The following CHN2 variants were observed in gnomAD, a reference collection of about 807,000 sequenced individuals.
The protein encoded by CHN2 is chimerin 2.
CHN2 carries 35 observed loss-of-function variants against 56.3 expected under a neutral mutation model. The ratio of observed to expected loss-of-function variants is 0.62; its 90% CI spans 0.47 to 0.82. The LOEUF (loss-of-function observed/expected upper bound fraction) is 0.82. Ranked by LOEUF, CHN2 falls within the 40% of genes least tolerant of loss-of-function variation. The probability of loss-of-function intolerance (pLI) is 0.00; values close to 1 mark genes in which losing one functional copy is unlikely to be tolerated. For missense variants in CHN2, 491 were observed against 580.5 expected (o/e 0.85, Z 1.58); for synonymous variants, 210 against 212.8 (o/e 0.99, Z 0.12).
intron 1 of CHN2, among the ~76,000 whole-genome samples, chr7:29,272,180 C>T (rs1346641208): frequency 6.6e-6 from 1 of 152,140 alleles, no homozygotes; most frequent in Non-Finnish European, 1.5e-5. Flanking sequence ...CCGTGACAGA[C>T]ACGGAGTCCG....
At chr7:29,275,528 A>G (rs1459561870) in intron 1 of CHN2, among the ~76,000 whole-genome samples, 1 of 152,252 alleles carries the variant, frequency 6.6e-6, no homozygotes, top group Non-Finnish European at 1.5e-5. Context: ...TATAATAACC[A>G]GGGCAAGAAT....
At chr7:29,480,977 T>C (rs1458012530) in intron 7 of CHN2, among the ~76,000 whole-genome samples, 1 of 152,210 alleles carries the variant, frequency 6.6e-6, no homozygotes, top group African/African-American at 2.4e-5. Flanking sequence ...TTAAGTGGAA[T>C]TTCCCAAGTG....
At chr7:29,371,531 A>T (rs908029666) in intron 3 of CHN2, among the ~76,000 whole-genome samples, 31 of 152,188 alleles carry the variant, frequency 2.0e-4, no homozygotes, top group Non-Finnish European at 2.9e-5. Flanking sequence ...AGTCAGTCAC[A>T]TCATAAGCAT....
chr7:29,345,777 C>T (rs1797386577), intron 1 of CHN2, among the ~76,000 whole-genome samples: 1 of 152,132 alleles, frequency 6.6e-6, no homozygotes, highest in African/African-American at 2.4e-5. Flanking sequence ...TAGCTCAAGA[C>T]AGAAGCTCCA....
intron 1 of CHN2, among the ~76,000 whole-genome samples, chr7:29,326,321 C>A (rs1409546386): frequency 6.6e-6 from 1 of 152,096 alleles, no homozygotes; most frequent in Non-Finnish European, 1.5e-5. Context: ...CCATGCCCAG[C>A]TAATTTTTGT....
At chr7:29,271,248 G>T (rs79239909) in intron 1 of CHN2, among the ~76,000 whole-genome samples, 2,592 of 152,224 alleles carry the variant, frequency 0.017, 70 homozygotes, top group African/African-American at 0.06. Context: ...CCAACAGTCC[G>T]GAGACAAGTT....
At chr7:29,395,030 T>C (rs1562572642) in intron 4 of CHN2, among the ~76,000 whole-genome samples, 1 of 152,136 alleles carries the variant, frequency 6.6e-6, no homozygotes, top group Admixed American at 6.5e-5. Flanking sequence ...ATGAAGGGTG[T>C]TTTTTTCTTC....
intron 1 of CHN2, among the ~76,000 whole-genome samples, chr7:29,292,316 T>G (rs1792700038): frequency 6.6e-6 from 1 of 152,204 alleles, no homozygotes; most frequent in African/African-American, 2.4e-5. Flanking sequence ...GAGACAACCT[T>G]TCAATCCATT....
At chr7:29,291,887 A>G (rs1274590380) in intron 1 of CHN2, among the ~76,000 whole-genome samples, 1 of 152,208 alleles carries the variant, frequency 6.6e-6, no homozygotes, top group East Asian at 1.9e-4. Context: ...TAAACCTGAG[A>G]TAGGGAAAGA....
chr7:29,396,211 G>A (rs1257241501), intron 4 of CHN2, among the ~76,000 whole-genome samples: 1 of 152,060 alleles, frequency 6.6e-6, no homozygotes, highest in Non-Finnish European at 1.5e-5. Context: ...GGGAGACCGA[G>A]GCGGGTTGAT....
chr7:29,409,208 C>G (rs1182468653), intron 6 of CHN2, among the ~76,000 whole-genome samples: 1 of 152,120 alleles, frequency 6.6e-6, no homozygotes, highest in African/African-American at 2.4e-5. Flanking sequence ...AATTCTAGTC[C>G]AAAAGTGCTC....
chr7:29,323,710 G>GT (rs1795548619), intron 1 of CHN2, among the ~76,000 whole-genome samples: 1 of 151,844 alleles, frequency 6.6e-6, no homozygotes, highest in Non-Finnish European at 1.5e-5. Context: ...AATTATAGGG[G>GT]GTTGAGGCTG....
chr7:29,213,886 A>C (rs1785141947), intron 1 of CHN2, among the ~76,000 whole-genome samples: 1 of 148,106 alleles, frequency 6.8e-6, no homozygotes, highest in East Asian at 1.9e-4. Context: ...CAGCTTAAAC[A>C]TTAAAAAAAA....
chr7:29,437,230 T>C (rs1783292684), intron 6 of CHN2, among the ~76,000 whole-genome samples: 1 of 152,202 alleles, frequency 6.6e-6, no homozygotes, highest in Non-Finnish European at 1.5e-5. Flanking sequence ...AAGAAAACAT[T>C]TGTTGAGCAT....
intron 6 of CHN2, among the ~76,000 whole-genome samples, chr7:29,423,578 G>A (rs766865935): frequency 6.6e-6 from 1 of 152,228 alleles, no homozygotes; most frequent in Non-Finnish European, 1.5e-5. Context: ...GGCCAGCAAC[G>A]GTTCTCCAGG....
At chr7:29,402,805 A>G (rs1259973944) in intron 6 of CHN2, among the ~76,000 whole-genome samples, 2 of 152,200 alleles carry the variant, frequency 1.3e-5, no homozygotes, top group African/African-American at 4.8e-5. Context: ...ACAGAAACTG[A>G]TATTTCTGGA....
At chr7:29,507,575 G>A (rs1790723628) in intron 11 of CHN2, among the ~76,000 whole-genome samples, 1 of 152,152 alleles carries the variant, frequency 6.6e-6, no homozygotes, top group Non-Finnish European at 1.5e-5. Flanking sequence ...GTATGTGTCA[G>A]GCAGTTCTGT....
intron 4 of CHN2, among the ~76,000 whole-genome samples, chr7:29,395,034 T>C (rs34154937): frequency 1.2e-3 from 183 of 152,330 alleles, no homozygotes; most frequent in Non-Finnish European, 1.9e-3. Flanking sequence ...AGGGTGTTTT[T>C]TTCTTCCACT....
intron 6 of CHN2, among the ~76,000 whole-genome samples, chr7:29,424,551 T>G (rs1479009388): frequency 6.6e-6 from 1 of 152,218 alleles, no homozygotes; most frequent in Admixed American, 6.5e-5. Context: ...CTCTAAATAG[T>G]CAGCAACTTA....
Sources: allele counts gnomAD v4.1 joint callset (sites outside exome capture counted in the v4.1 genomes callset), GRCh38; gene constraint gnomAD v4.1.1; transcripts MANE v1.5; gene names NCBI Gene and HGNC (gene_info 2026-07-23, HGNC 2026-07-21).